Variants in CTNNA3 observed in about 807,000 individuals in gnomAD.
CTNNA3 encodes the protein catenin alpha-3.
A neutral mutation model predicts 95.7 loss-of-function variants in CTNNA3; 76 were observed. The observed-to-expected ratio is 0.79, with a 90% CI of 0.66 to 0.96. CTNNA3 has a LOEUF of 0.96. Among genes scored for constraint, CTNNA3 ranks in the 40% least tolerant of loss-of-function variants. The pLI is 0.00. For missense variants in CTNNA3, 1,191 were observed against 1,089.8 expected, an observed-to-expected ratio of 1.09 and a Z score of -1.31; for synonymous variants, 431 against 374.4, an observed-to-expected ratio of 1.15 and a Z score of -1.74.
At chr10:67,603,655 G>A (rs1417088357) in intron 3 of CTNNA3, among the ~76,000 whole-genome samples, 1 of 151,516 alleles carries the variant, frequency 6.6e-6, no homozygotes, top group Admixed American at 6.6e-5. Context: ...TATAGAATAA[G>A]GACATAAAAA....
At chr10:66,445,548 C>A (rs1189354252) in intron 11 of CTNNA3, among the ~76,000 whole-genome samples, 1 of 152,086 alleles carries the variant, frequency 6.6e-6, no homozygotes, top group Admixed American at 6.6e-5. Flanking sequence ...TACATGGAAA[C>A]GGAACAACTT....
At chr10:66,658,757 G>C (rs147291382) in intron 9 of CTNNA3, among the ~76,000 whole-genome samples, 2,185 of 152,254 alleles carry the variant, frequency 0.014, 19 homozygotes, top group Non-Finnish European at 0.024. Flanking sequence ...GCAGTGGCCT[G>C]ATCTCAGTTG....
intron 9 of CTNNA3, among the ~76,000 whole-genome samples, chr10:66,675,242 T>G (rs573594442): frequency 1.3e-5 from 2 of 152,054 alleles, no homozygotes; most frequent in Non-Finnish European, 2.9e-5. Context: ...TGCTGCTTTT[T>G]TTTTTCTTTT....
At chr10:66,405,506 A>G (rs2093050227) in intron 11 of CTNNA3, among the ~76,000 whole-genome samples, 2 of 152,188 alleles carry the variant, frequency 1.3e-5, no homozygotes, top group Admixed American at 6.5e-5. Context: ...AAAATGAGGT[A>G]CACTGACCCC....
At chr10:66,118,191 G>A (rs2082417883) in intron 13 of CTNNA3, 1 of 152,126 alleles carries the variant, frequency 6.6e-6, no homozygotes, top group East Asian at 1.9e-4. Flanking sequence ...ATAAGTACAG[G>A]TGGCATCTAC....
At chr10:66,853,261 C>T (rs1843560483) in intron 7 of CTNNA3, among the ~76,000 whole-genome samples, 1 of 151,924 alleles carries the variant, frequency 6.6e-6, no homozygotes, top group African/African-American at 2.4e-5. Flanking sequence ...ATATGGCTCA[C>T]AAAGGCTAAA....
intron 5 of CTNNA3, among the ~76,000 whole-genome samples, chr10:67,414,080 AAAATT>A (rs1259323391): frequency 6.6e-6 from 1 of 152,104 alleles, no homozygotes; most frequent in Non-Finnish European, 1.5e-5. Flanking sequence ...AGAAATAACT[AAAATT>A]AAAGAAGATC....
intron 7 of CTNNA3, among the ~76,000 whole-genome samples, chr10:66,929,369 C>G (rs1244364337): frequency 2.0e-5 from 3 of 152,174 alleles, no homozygotes; most frequent in Non-Finnish European, 2.9e-5. Context: ...ACCAGAATTT[C>G]TCTTTCCAGT....
intron 9 of CTNNA3, among the ~76,000 whole-genome samples, chr10:66,650,530 T>C (rs1845856810): frequency 6.6e-6 from 1 of 152,218 alleles, no homozygotes; most frequent in African/African-American, 2.4e-5. Flanking sequence ...GGTGGGTTCT[T>C]GGTCTCGCTG....
chr10:67,140,344 C>T (rs1199917488), intron 7 of CTNNA3, among the ~76,000 whole-genome samples: 1 of 152,008 alleles, frequency 6.6e-6, no homozygotes, highest in Non-Finnish European at 1.5e-5. Context: ...CAAATTGCCA[C>T]TATTTATGAT....
rs183493733 is a variant in CTNNA3, at chr10:65,919,090, C to T, written c.*1240G>A. ...TGAATGAGAAAAAATGAAAACAAAA[C>T]TTATGGCCTCCAAAGAGTTTCTGTT... On this transcript the variant is annotated 3_prime_UTR_variant, in exon 18 of 18. Coordinates refer to ENST00000433211, the MANE Select transcript of CTNNA3 (RefSeq NM_013266.4). 3.3e-5 allele frequency: 5 copies of T among 152,156 alleles called. No individual in the cohort carries two copies. Among genetic ancestry groups the T allele is most frequent in the African/African-American group, 9.6e-5 (4 of 41,542 alleles). 9.4% of individuals were successfully genotyped at this position (152,156 alleles called of 1,614,324 possible).
chr10:66,266,094 A>G, intron 13 of CTNNA3, among the ~76,000 whole-genome samples: 1 of 149,864 alleles, frequency 6.7e-6, no homozygotes, highest in African/African-American at 2.5e-5. Context: ...AGGGGGGGAG[A>G]GAAAGAGAGG....
intron 5 of CTNNA3, among the ~76,000 whole-genome samples, chr10:67,442,542 C>T (rs1846560649): frequency 6.6e-6 from 1 of 151,820 alleles, no homozygotes; most frequent in East Asian, 1.9e-4. Context: ...GAATGAACAG[C>T]CCCCCAAAAA....
At chr10:67,261,593 C>T (rs550584451) in intron 5 of CTNNA3, among the ~76,000 whole-genome samples, 58 of 152,182 alleles carry the variant, frequency 3.8e-4, no homozygotes, top group African/African-American at 1.1e-3. Context: ...AACTACATTG[C>T]GTAACATCAC....
At position 67,463,201 on chromosome 10, in the gene CTNNA3, G is replaced by A. The variant is rs987944896; in HGVS notation, c.579+58641C>T. ...ATTATAGGCGTTAGCCACCACACCC[G>A]ACCTCTGTAAGGATTATTTTACATA... On this transcript the variant is annotated intron_variant, in intron 5 of 17. Transcript: ENST00000433211. Among the ~76,000 whole-genome samples the A allele has an allele frequency of 6.6e-5, 10 of 152,092 alleles. No individual in the cohort carries two copies. The South Asian group carries it at 1.2e-3, about 19-fold the overall frequency.
intron 9 of CTNNA3, among the ~76,000 whole-genome samples, chr10:66,715,305 C>T (rs1848416434): frequency 6.6e-6 from 1 of 152,060 alleles, no homozygotes; most frequent in Non-Finnish European, 1.5e-5. Flanking sequence ...TATCCCACCT[C>T]ACATCCTCCC....
chr10:66,974,602 AT>A (rs1849922509), intron 7 of CTNNA3, among the ~76,000 whole-genome samples: 2 of 152,188 alleles, frequency 1.3e-5, no homozygotes. Context: ...CAAAGTGGTT[AT>A]TCCATTTCAC....
At chr10:66,811,423 T>C (rs1307599127) in intron 7 of CTNNA3, among the ~76,000 whole-genome samples, 1 of 152,220 alleles carries the variant, frequency 6.6e-6, no homozygotes, top group Non-Finnish European at 1.5e-5. Context: ...ATTCTGAATC[T>C]ACGCAAGAGG....
intron 5 of CTNNA3, among the ~76,000 whole-genome samples, chr10:67,387,561 G>T (rs928660025): frequency 1.3e-5 from 2 of 152,214 alleles, no homozygotes; most frequent in Admixed American, 6.5e-5. Flanking sequence ...GCCCACCACA[G>T]CTCAAGGAGG....
Sources: gnomAD v4.1 joint callset for allele counts (sites outside exome capture counted in the v4.1 genomes callset) on GRCh38, gnomAD v4.1.1 for gene constraint, MANE v1.5 for transcripts, NCBI Gene and HGNC (gene_info 2026-07-23, HGNC 2026-07-21) for gene names.